CYP1A2: variants seen among roughly 807,000 people sequenced by gnomAD.
CYP1A2 encodes the protein cytochrome P450 1A2.
A neutral mutation model predicts 34.7 loss-of-function variants in CYP1A2; 35 were observed. The observed-to-expected ratio is 1.01, with a 90% CI of 0.77 to 1.34. The LOEUF is 1.34. CYP1A2 is among the 40% of genes most tolerant of loss of function. The pLI is 0.00. For synonymous variants in CYP1A2, 288 were observed against 281.9 expected (o/e 1.02, Z -0.22); for missense variants, 675 against 675.8 (o/e 1.00, Z 0.01).
Position 74,749,950 on chromosome 15 carries a change from G to A in CYP1A2, c.212G>A (p.Arg71His), listed in dbSNP as rs779505412. 2.4e-5 allele frequency: 38 copies of A among 1,613,760 alleles called. No individual in the cohort carries two copies. The highest frequency in any genetic ancestry group is 3.3e-5 in the South Asian group (3 of 91,024). The change falls in exon 2 of 7, where the codon CGC (arginine) becomes CAC (histidine). Residue 71 changes from arginine (R) to histidine (H), a missense_variant. By Grantham distance (29) the Arg-to-His change is conservative. Transcript: ENST00000343932. ...CTGGCACTGTCAAGGATGAGCCAGC[G>A]CTACGGGGACGTCCTGCAGATCCGC... ...PHLALSRMSQ[R>H]YGDVLQIRIG...
chr15:74,749,494 G>C (rs1358023450), intron 1 of CYP1A2, among the ~76,000 whole-genome samples: 1 of 152,194 alleles, frequency 6.6e-6, no homozygotes, highest in Non-Finnish European at 1.5e-5. Flanking sequence ...GTGGAGGAGA[G>C]AGCCAGCGTT....
At position 74,753,223 on chromosome 15, in the gene CYP1A2, C is replaced by T. The variant is rs753816138; in HGVS notation, c.1206C>T (p.Pro402=). ...CAACGCTGAATGGCTTCTACATCCCCAAGAAATGCTGTGTCTTCGTAAACC... is the reference window on the plus strand; with the variant it reads ...CAACGCTGAATGGCTTCTACATCCCTAAGAAATGCTGTGTCTTCGTAAACC... The part of the protein sequence containing the change: ...RDTTLNGFYI[P]KKCCVFVNQW... The change falls in exon 6 of 7, where the codon CCC becomes CCT. Residue 402 remains proline (P), a synonymous_variant. Transcript: ENST00000343932. The T allele has an allele frequency of 2.5e-6, 4 of 1,613,800 alleles. No individual in the cohort carries two copies. The African/African-American group carries it at 5.3e-5, about 22-fold the overall frequency.
At chr15:74,751,089 G>T (rs1364463369) in intron 2 of CYP1A2, 100 bp from the exon 3 acceptor site, 30 of 1,517,150 alleles carry the variant, frequency 2.0e-5, no homozygotes, top group Non-Finnish European at 2.3e-5. Flanking sequence ...GGGAGGATAG[G>T]GGGGTACCCA....
chr15:74,753,321 A>C, intron 6 of CYP1A2, 51 bp downstream of exon 6: 1 of 1,463,422 alleles, frequency 6.8e-7, no homozygotes, highest in Non-Finnish European at 9.6e-7. Flanking sequence ...GCAGTCAGGA[A>C]GGCTGTTTGT....
Position 74,749,812 on chromosome 15 carries a change from T to G in CYP1A2, c.74T>G (p.Phe25Cys), listed in dbSNP as rs142454118. Residue 25 changes from phenylalanine (F) to cysteine (C), a missense_variant, in exon 2 of 7, where the codon TTC (phenylalanine) becomes TGC (cysteine). Phe to Cys is a radical substitution (Grantham distance 205). Transcript: ENST00000343932. ...LLASAIFCLV[F>C]WVLKGLRPRV... is the part of the protein sequence containing the mutation. ...GCCTCTGCCATCTTCTGCCTGGTAT[T>G]CTGGGTGCTCAAGGGTTTGAGGCCT... 3.6e-5 allele frequency: 57 copies of G among 1,596,032 alleles called. No individual in the cohort carries two copies. Among genetic ancestry groups the G allele is most frequent in the Non-Finnish European group, 4.3e-5 (50 of 1,168,634 alleles).
At position 74,751,838 on chromosome 15, in the gene CYP1A2, G is replaced by C; in HGVS notation, c.1026G>C (p.Lys342Asn). 1 of 1,614,116 alleles carries C rather than the reference G, an allele frequency of 6.2e-7. No homozygotes were observed. Among genetic ancestry groups the C allele is most frequent in the Non-Finnish European group, 8.5e-7 (1 of 1,179,994 alleles). Residue 342 changes from lysine (K) to asparagine (N), a missense_variant, in exon 4 of 7, where the codon AAG (lysine) becomes AAC (asparagine). By Grantham distance (94) the Lys-to-Asn change is moderately conservative (BLOSUM62 0). Coordinates refer to ENST00000343932, the MANE Select transcript of CYP1A2 (RefSeq NM_000761.5). ...YLVTKPEIQR[K>N]IQKELDTVIG... ...TGACCAAGCCTGAGATACAGAGGAA[G>C]ATCCAGAAGGAGCTGGGTACATGGG...
In CYP1A2 at chr15:74,752,177, C is replaced by T. The variant is rs776078971; in HGVS notation, c.1096C>T (p.Pro366Ser). Residue 366 changes from proline (P) to serine (S), a missense_variant, in exon 5 of 7, where the codon CCC (proline) becomes TCC (serine). By Grantham distance (74) the Pro-to-Ser change is moderately conservative. Coordinates refer to ENST00000343932, the MANE Select transcript of CYP1A2 (RefSeq NM_000761.5). ...RPRLSDRPQL[P>S]YLEAFILETF... ...CCGGCTCTCTGACAGACCCCAGCTG[C>T]CCTACTTGGAGGCCTTCATCCTGGA... The T allele has an allele frequency of 3.7e-6, 6 of 1,613,942 alleles. No individual in the cohort carries two copies.
rs761456419 is a variant in CYP1A2, at chr15:74,755,021, A to G, written c.1484A>G (p.Tyr495Cys). ...GTGAAAGTCGACCTGACCCCCATCT[A>G]CGGGCTGACCATGAAGCACGCCCGC... Reference protein sequence around the residue: ...PGVKVDLTPIYGLTMKHARCE... With the variant: ...PGVKVDLTPICGLTMKHARCE... Residue 495 changes from tyrosine (Y) to cysteine (C), a missense_variant, in exon 7 of 7, where the codon TAC (tyrosine) becomes TGC (cysteine). Tyr to Cys is a radical substitution (Grantham distance 194). Transcript: ENST00000343932. The G allele has an allele frequency of 9.9e-6, 16 of 1,614,110 alleles. No individual in the cohort carries two copies. In the South Asian group the frequency reaches 1.8e-4, roughly 18 times the overall value.
intron 2 of CYP1A2, 53 bp downstream of exon 2, chr15:74,750,622 C>A: frequency 1.4e-6 from 2 of 1,461,054 alleles, no homozygotes; most frequent in South Asian, 1.2e-5. Flanking sequence ...TGGGTGCAGC[C>A]CCTCCCTCCC....
At position 74,753,282 on chromosome 15, in the gene CYP1A2, C is replaced by A. The variant is rs748007860; in HGVS notation, c.1253+12C>A. ...GTCAACCATGACCCGTGAGTACATA[C>A]CCCTCACGAAAAAATGTGTGCAGGT... On this transcript the variant is annotated intron_variant, in intron 6 of 6. Coordinates refer to ENST00000343932, the MANE Select transcript of CYP1A2 (RefSeq NM_000761.5). 9 of 1,607,996 alleles carry A rather than the reference C, an allele frequency of 5.6e-6. No individual in the cohort carries two copies. The highest frequency in any genetic ancestry group is 1.3e-5 in the African/African-American group (1 of 74,764).
rs1479127500 is a variant in CYP1A2 at position 74,749,642 on chromosome 15, C to T, written c.-9-88C>T. ...AGCTGGGAGCCAAGCACAGAACACG[C>T]ATCAGTGTTTATCAAATGACTGAGG... is the stretch of plus-strand genomic sequence containing the variant. On this transcript the variant is annotated intron_variant, in intron 1 of 6. Coordinates refer to ENST00000343932, the MANE Select transcript of CYP1A2 (RefSeq NM_000761.5). 5 of 1,118,378 alleles carry T rather than the reference C, an allele frequency of 4.5e-6. No homozygotes were observed. The African/African-American group carries it at 6.2e-5, about 14-fold the overall frequency. The allele number at this position is 1,118,378 out of a possible 1,614,324, so 69.3% of individuals were successfully genotyped here. A position where few individuals can be genotyped will look rare whatever the true frequency, so the allele number is the denominator to read the frequency against.
rs1567207080 is a variant in CYP1A2, at chr15:74,755,023, G to GCCCAT, written c.1486_1487insCCCAT (p.Gly496AlafsTer4). Reference sequence around the variant, plus strand: ...GAAAGTCGACCTGACCCCCATCTACGGGCTGACCATGAAGCACGCCCGCTG... The same window carrying GCCCAT: ...GAAAGTCGACCTGACCCCCATCTACGCCCATGGCTGACCATGAAGCACGCCCGCTG... On this transcript the variant is annotated frameshift_variant, in exon 7 of 7. Coordinates refer to ENST00000343932, the MANE Select transcript of CYP1A2 (RefSeq NM_000761.5). LOFTEE classifies it low-confidence loss of function (END_TRUNC). 6.2e-7 allele frequency: 1 copy of GCCCAT among 1,614,118 alleles called. No homozygotes were observed. Among genetic ancestry groups the GCCCAT allele is most frequent in the Non-Finnish European group, 8.5e-7 (1 of 1,180,026 alleles).
chr15:74,755,008 C>G lies in CYP1A2; in HGVS notation c.1471C>G (p.Leu491Val), dbSNP rs2063331850. The change falls in exon 7 of 7, where the codon CTG becomes GTG. Residue 491 changes from leucine to valine, a missense_variant. Physicochemically the swap from Leu to Val is conservative, Grantham distance 32 (BLOSUM62 1). Transcript: ENST00000343932. ...FSVPPGVKVD[L>V]TPIYGLTMKH... is the part of the protein sequence containing the mutation. ...CGTGCCGCCGGGCGTGAAAGTCGAC[C>G]TGACCCCCATCTACGGGCTGACCAT... The G allele has an allele frequency of 3.7e-6, 6 of 1,614,084 alleles. No individual in the cohort carries two copies. Among genetic ancestry groups the G allele is most frequent in the Non-Finnish European group, 5.1e-6 (6 of 1,180,048 alleles).
Position 74,754,849 on chromosome 15 carries a change from A to ACT in CYP1A2, c.1313_1314dup (p.Ala439LeufsTer7). The ACT allele has an allele frequency of 6.2e-7, 1 of 1,614,222 alleles. No individual in the cohort carries two copies. The highest frequency in any genetic ancestry group is 1.1e-5 in the South Asian group (1 of 91,086). ...TGAGCGGTTCCTCACCGCCGATGGCACTGCCATTAACAAGCCCTTGAGTGA... is the reference window on the plus strand; with the variant it reads ...TGAGCGGTTCCTCACCGCCGATGGCACTCTGCCATTAACAAGCCCTTGAGTGA... On this transcript the variant is annotated frameshift_variant, in exon 7 of 7. Transcript: ENST00000343932. LOFTEE classifies it low-confidence loss of function (END_TRUNC).
In CYP1A2 at chr15:74,755,241, G is replaced by A. The variant is rs1489293986; in HGVS notation, c.*153G>A. ...GCATTTTAGGAGGCCAAGGTTGGAG[G>A]ATCATTTGAGCCCAGGAATTGGAAA... On this transcript the variant is annotated 3_prime_UTR_variant, in exon 7 of 7. Transcript: ENST00000343932. The A allele has an allele frequency of 2.0e-5, 17 of 849,892 alleles. No individual in the cohort carries two copies. Among genetic ancestry groups the A allele is most frequent in the Non-Finnish European group, 3.0e-5 (17 of 572,112 alleles). 52.6% of individuals were successfully genotyped at this position (849,892 alleles called of 1,614,324 possible). A position where few individuals can be genotyped will look rare whatever the true frequency, so the allele number is the denominator to read the frequency against.
At position 74,755,366 on chromosome 15, in the gene CYP1A2, CA is replaced by C. The variant is rs1358442567; in HGVS notation, c.*281del. 3 of 258,716 alleles carry C rather than the reference CA, an allele frequency of 1.2e-5. No homozygotes were observed. Among genetic ancestry groups the C allele is most frequent in the African/African-American group, 2.7e-5 (1 of 37,092 alleles). The allele number at this position is 258,716 out of a possible 1,614,324, so 16.0% of individuals were successfully genotyped here. On this transcript the variant is annotated 3_prime_UTR_variant, in exon 7 of 7. Coordinates refer to ENST00000343932, the MANE Select transcript of CYP1A2 (RefSeq NM_000761.5). ...ACCCCATCTCAAAAAAAAAAACAAA[CA>C]AACAAAAAAAAAACCATATATATAC...
chr15:74,752,092 C>A, intron 4 of CYP1A2, 32 bp from the exon 5 acceptor site: 2 of 1,612,718 alleles, frequency 1.2e-6, no homozygotes, highest in South Asian at 1.1e-5. Context: ...TAGGGCAGCC[C>A]CTGAGCTCTG....
Position 74,750,142 on chromosome 15 carries a change from C to T in CYP1A2, c.404C>T (p.Ala135Val). 1 of 1,614,034 alleles carries T rather than the reference C, an allele frequency of 6.2e-7. No homozygotes were observed. The highest frequency in any genetic ancestry group is 8.5e-7 in the Non-Finnish European group (1 of 1,180,030). Residue 135 changes from alanine (A) to valine (V), a missense_variant, in exon 2 of 7, where the codon GCC (alanine) becomes GTC (valine). By Grantham distance (64) the Ala-to-Val change is moderately conservative. Transcript: ENST00000343932. ...ACAGACTCTGGACCGGTGTGGGCTGCCCGCCGGCGCCTGGCCCAGAATGCC... is the reference window on the plus strand; with the variant it reads ...ACAGACTCTGGACCGGTGTGGGCTGTCCGCCGGCGCCTGGCCCAGAATGCC... ...FSTDSGPVWA[A>V]RRRLAQNALN...
rs1221358869 is a variant in CYP1A2 at position 74,751,184 on chromosome 15, C to T, written c.832-5C>T. On this transcript the variant is annotated splice_region_variant and splice_polypyrimidine_tract_variant and intron_variant, in intron 2 of 6. Transcript: ENST00000343932. ...AGAGGTGCCCCTAAGCTTGTGCCCC[C>T]TCAGAACAGTGTCCGGGACATCACG... The T allele has an allele frequency of 1.9e-6, 3 of 1,613,878 alleles. No homozygotes were observed. The highest frequency in any genetic ancestry group is 1.7e-6 in the Non-Finnish European group (2 of 1,179,946).
Sources: allele counts gnomAD v4.1 joint callset (sites outside exome capture counted in the v4.1 genomes callset), GRCh38; gene constraint gnomAD v4.1.1; transcripts MANE v1.5; gene names NCBI Gene and HGNC (gene_info 2026-07-23, HGNC 2026-07-21).